CTPS2: variants seen among roughly 807,000 people sequenced by gnomAD.
CTPS2 encodes CTP synthase II.
CTPS2 carries 19 observed loss-of-function variants against 46.8 expected under a neutral mutation model. The observed-to-expected ratio is 0.41, with a 90% confidence interval of 0.28 to 0.60. The LOEUF is 0.60. Among genes scored for constraint, CTPS2 ranks in the 20% least tolerant of loss-of-function variants. CTPS2 has a pLI of 0.35. For missense variants in CTPS2, 286 were observed against 447.6 expected (o/e 0.64, Z 3.26); for synonymous variants, 151 against 165.2 (o/e 0.91, Z 0.66).
chrX:16,668,617 G>A (rs2147299863), intron 11 of CTPS2, among the ~76,000 whole-genome samples: 1 of 99,287 alleles, frequency 1.0e-5, no homozygotes, highest in South Asian at 4.9e-4. Context: ...GAGAGAGGAA[G>A]GAGGGAAGGA....
chrX:16,665,697 A>G (rs938424255), intron 13 of CTPS2, among the ~76,000 whole-genome samples: 12 of 111,834 alleles, frequency 1.1e-4, no homozygotes, highest in African/African-American at 3.9e-4. Flanking sequence ...ATTGCTTGTA[A>G]TGAGAGTGGC....
At position 16,677,403 on chromosome X, in the gene CTPS2, T is replaced by C. The variant is rs1922371429; in HGVS notation, c.1094+959A>G. ...GACGCTTTCTGACTGACCTCTTCTCTACCCCAAATACAAGAGACTCTAATA... is the reference window on the plus strand; with the variant it reads ...GACGCTTTCTGACTGACCTCTTCTCCACCCCAAATACAAGAGACTCTAATA... On this transcript the variant is annotated intron_variant, in intron 10 of 18. Coordinates refer to ENST00000359276, the MANE Select transcript of CTPS2 (RefSeq NM_175859.3). Among the ~76,000 whole-genome samples the C allele has an allele frequency of 2.7e-5, 3 of 111,530 alleles. 1 individual carries two copies. The Admixed American group carries it at 2.9e-4, about 11-fold the overall frequency.
At chrX:16,630,875 G>C (rs1286331692) in intron 14 of CTPS2, among the ~76,000 whole-genome samples, 1 of 112,899 alleles carries the variant, frequency 8.9e-6, no homozygotes, top group Admixed American at 9.4e-5. Flanking sequence ...ACTCTGTTGG[G>C]ACACAACCAT....
At chrX:16,601,956 G>A (rs1929694674) in intron 17 of CTPS2, among the ~76,000 whole-genome samples, 2 of 110,966 alleles carry the variant, frequency 1.8e-5, no homozygotes, top group South Asian at 3.9e-4. Context: ...TCCTGACTCC[G>A]GGCCATACTC....
At chrX:16,598,939 CA>C (rs1282287010) in intron 17 of CTPS2, among the ~76,000 whole-genome samples, 3 of 111,845 alleles carry the variant, frequency 2.7e-5, no homozygotes, top group Middle Eastern at 4.6e-3. Context: ...AGCATATAAA[CA>C]GAACCAAAGA....
chrX:16,610,151 C>G (rs1930192494), intron 16 of CTPS2, among the ~76,000 whole-genome samples: 1 of 111,246 alleles, frequency 9.0e-6, no homozygotes, highest in Non-Finnish European at 1.9e-5. Context: ...CTTGGGAACC[C>G]AACGAGGACA....
intron 4 of CTPS2, among the ~76,000 whole-genome samples, chrX:16,694,652 C>T (rs1027561686): frequency 2.7e-5 from 3 of 112,396 alleles, no homozygotes; most frequent in Admixed American, 9.4e-5. Flanking sequence ...TCCTGAAATT[C>T]AATATAAGCC....
At chrX:16,633,579 C>T (rs1343512783) in intron 14 of CTPS2, among the ~76,000 whole-genome samples, 1 of 111,875 alleles carries the variant, frequency 8.9e-6, no homozygotes, top group African/African-American at 3.2e-5. Flanking sequence ...GCTACAAAGC[C>T]AAAAATATTT....
At chrX:16,637,928 G>A (rs1254627706) in intron 14 of CTPS2, among the ~76,000 whole-genome samples, 2 of 111,380 alleles carry the variant, frequency 1.8e-5, no homozygotes, top group African/African-American at 6.5e-5. Context: ...CATATTTCTG[G>A]TCTTACTCTT....
chrX:16,613,843 C>T (rs777677970), intron 16 of CTPS2, among the ~76,000 whole-genome samples: 3 of 111,690 alleles, frequency 2.7e-5, no homozygotes, highest in Admixed American at 1.9e-4. Flanking sequence ...TTCCGACCTT[C>T]GCCTCCCAAA....
chrX:16,694,737 C>T (rs1255745346), intron 4 of CTPS2, among the ~76,000 whole-genome samples: 1 of 112,513 alleles, frequency 8.9e-6, no homozygotes, highest in Non-Finnish European at 1.9e-5. Context: ...CAGTGGCTCA[C>T]ACCTGTAATC....
intron 16 of CTPS2, among the ~76,000 whole-genome samples, chrX:16,613,699 T>G (rs765284150): frequency 1.2e-4 from 13 of 109,321 alleles, no homozygotes; most frequent in African/African-American, 4.3e-4. Context: ...AGGCTCAACC[T>G]CCTACCTCAG....
Position 16,698,847 on chromosome X carries a change from G to A in CTPS2, c.337+76C>T, listed in dbSNP as rs1924337798. ...ATTACAGGCCTGAGCCACCGTGCCC[G>A]GCCTTCAGTTCTACTTTTGAGCAGT... On this transcript the variant is annotated intron_variant, in intron 3 of 18. Coordinates refer to ENST00000359276, the MANE Select transcript of CTPS2 (RefSeq NM_175859.3). 7 of 992,298 alleles carry A rather than the reference G, an allele frequency of 7.1e-6. No individual in the cohort carries two copies. In the Admixed American group the frequency reaches 1.3e-4, roughly 18 times the overall value. The allele number at this position is 992,298 out of a possible 1,213,427, so 81.8% of individuals were successfully genotyped here.
intron 10 of CTPS2, among the ~76,000 whole-genome samples, chrX:16,674,699 G>C (rs915528922): frequency 1.9e-5 from 2 of 106,731 alleles, no homozygotes; most frequent in African/African-American, 6.9e-5. Context: ...TTAGCCGGGC[G>C]TGGTGGCAGG....
chrX:16,654,065 A>G (rs1932764472), intron 13 of CTPS2, among the ~76,000 whole-genome samples: 1 of 112,303 alleles, frequency 8.9e-6, no homozygotes, highest in Non-Finnish European at 1.9e-5. Flanking sequence ...GCCGTGGGCA[A>G]TCCAGTGAAG....
At chrX:16,607,498 A>G (rs1258687347) in intron 17 of CTPS2, among the ~76,000 whole-genome samples, 1 of 112,936 alleles carries the variant, frequency 8.9e-6, no homozygotes, top group Non-Finnish European at 1.9e-5. Context: ...CAGCTCCGAG[A>G]GCACAGTTTG....
chrX:16,692,078 T>C (rs1398719469), intron 6 of CTPS2, among the ~76,000 whole-genome samples: 1 of 111,606 alleles, frequency 9.0e-6, no homozygotes, highest in East Asian at 2.8e-4. Flanking sequence ...AGTTGTGGGC[T>C]GTTATTTGTC....
At position 16,588,919 on chromosome X, in the gene CTPS2, C is replaced by CA. The variant is rs1328056589; in HGVS notation, c.*897dup. 2.7e-5 allele frequency: 3 copies of CA among 112,122 alleles called. No individual in the cohort carries two copies. Among genetic ancestry groups the CA allele is most frequent in the African/African-American group, 9.7e-5 (3 of 30,876 alleles). 9.2% of individuals were successfully genotyped at this position (112,122 alleles called of 1,213,427 possible). ...GAAAATCCAAAATGCTCCAAAATTT[C>CA]AAAATTTCTGAATGCCAACATGACG... On this transcript the variant is annotated 3_prime_UTR_variant, in exon 19 of 19. Transcript: ENST00000359276.
At chrX:16,662,995 C>G (rs1259545740) in intron 13 of CTPS2, among the ~76,000 whole-genome samples, 3 of 111,575 alleles carry the variant, frequency 2.7e-5, no homozygotes, top group Non-Finnish European at 5.6e-5. Flanking sequence ...ATAATGGACA[C>G]AAACTAAATA....
Sources: allele counts gnomAD v4.1 joint callset (sites outside exome capture counted in the v4.1 genomes callset), GRCh38; gene constraint gnomAD v4.1.1; transcripts MANE v1.5; gene names NCBI Gene and HGNC (gene_info 2026-07-23, HGNC 2026-07-21).